The following CLSTN2 variants were observed in gnomAD, a reference collection of about 807,000 sequenced individuals.
CLSTN2 encodes the protein calsyntenin 2.
A neutral mutation model predicts 101.2 loss-of-function variants in CLSTN2; 48 were observed. That is an observed-to-expected ratio of 0.47 (90% CI 0.38 to 0.60). CLSTN2 has a LOEUF of 0.60. Ranked by LOEUF, CLSTN2 falls within the 20% of genes least tolerant of loss-of-function variation. CLSTN2 has a pLI of 0.00. For missense variants in CLSTN2, 1,160 were observed against 1,238.2 expected, an observed-to-expected ratio of 0.94 and a Z score of 0.95; for synonymous variants, 481 against 463.6, an observed-to-expected ratio of 1.04 and a Z score of -0.48.
In CLSTN2 at chr3:140,558,793, C is replaced by A. The variant is rs773408818; in HGVS notation, c.1977C>A (p.Phe659Leu). 14 of 1,613,926 alleles carry A rather than the reference C, an allele frequency of 8.7e-6. No homozygotes were observed. In the Admixed American group the frequency reaches 2.3e-4, roughly 27 times the overall value. The change falls in exon 12 of 17, where the codon TTC becomes TTA. Residue 659 changes from phenylalanine to leucine, a missense_variant. Physicochemically the swap from Phe to Leu is conservative, Grantham distance 22 (BLOSUM62 0). Transcript: ENST00000458420. ...AAAGTGCCAGGGGAGTGACCCTCTT[C>A]CCTGATATCAAGATTGTGAGCACCT... is the stretch of plus-strand genomic sequence containing the variant. Reference protein sequence around the residue: ...QFESARGVTLFPDIKIVSTFA... With the variant: ...QFESARGVTLLPDIKIVSTFA...
intron 1 of CLSTN2, among the ~76,000 whole-genome samples, chr3:139,954,573 G>A (rs1192250631): frequency 6.6e-6 from 1 of 152,140 alleles, no homozygotes; most frequent in Non-Finnish European, 1.5e-5. Context: ...CTTGAATTAA[G>A]TTGAGTGCCT....
rs375272859 is a variant in CLSTN2 at position 140,459,562 on chromosome 3, G to T, written c.1015G>T (p.Ala339Ser). 2.5e-6 allele frequency: 4 copies of T among 1,614,054 alleles called. No individual in the cohort carries two copies. The Admixed American group carries it at 5.0e-5, about 20-fold the overall frequency. The change falls in exon 7 of 17, where the codon GCT becomes TCT. Residue 339 changes from alanine to serine, a missense_variant. Physicochemically the swap from Ala to Ser is moderately conservative, Grantham distance 99. Coordinates refer to ENST00000458420, the MANE Select transcript of CLSTN2 (RefSeq NM_022131.3). ...GIIDLLPSPS[A>S]ATNWTAGLLV... is the part of the protein sequence containing the mutation. ...CATTGACCTCTTGCCATCCCCTAGC[G>T]CTGCCACCAACTGGACTGCAGGACT...
At chr3:139,952,980 C>G (rs1224666609) in intron 1 of CLSTN2, among the ~76,000 whole-genome samples, 2 of 152,098 alleles carry the variant, frequency 1.3e-5, no homozygotes, top group African/African-American at 4.8e-5. Flanking sequence ...CCATAGCCAG[C>G]TCAGAATGGG....
At chr3:140,166,794 G>T (rs1325130334) in intron 1 of CLSTN2, among the ~76,000 whole-genome samples, 5 of 152,110 alleles carry the variant, frequency 3.3e-5, no homozygotes, top group Non-Finnish European at 7.4e-5. Flanking sequence ...GAAACATCAT[G>T]GAAAAGAGAT....
At chr3:140,260,380 A>G (rs1229810717) in intron 2 of CLSTN2, among the ~76,000 whole-genome samples, 3 of 151,778 alleles carry the variant, frequency 2.0e-5, no homozygotes, top group Non-Finnish European at 4.4e-5. Context: ...GAGGTTGAGG[A>G]ATCTTTTTTC....
intron 5 of CLSTN2, among the ~76,000 whole-genome samples, chr3:140,446,933 G>T (rs1363255127): frequency 3.3e-5 from 5 of 152,092 alleles, no homozygotes; most frequent in African/African-American, 1.2e-4. Flanking sequence ...GTTCACTGCT[G>T]TACCCTTTGT....
chr3:140,248,493 T>G (rs2086535203), intron 2 of CLSTN2, among the ~76,000 whole-genome samples: 1 of 152,180 alleles, frequency 6.6e-6, no homozygotes, highest in African/African-American at 2.4e-5. Context: ...CCAGAATGCA[T>G]TCAATGGACT....
At chr3:140,099,290 C>T (rs777144906) in intron 1 of CLSTN2, among the ~76,000 whole-genome samples, 7 of 152,018 alleles carry the variant, frequency 4.6e-5, no homozygotes, top group African/African-American at 9.7e-5. Context: ...ACTGGGTCCC[C>T]GGAAGGCTCT....
At chr3:139,940,806 C>T (rs1047113059) in intron 1 of CLSTN2, among the ~76,000 whole-genome samples, 18 of 152,100 alleles carry the variant, frequency 1.2e-4, no homozygotes. Flanking sequence ...CTCAAAGGCC[C>T]TGGCACTTAG....
intron 2 of CLSTN2, among the ~76,000 whole-genome samples, chr3:140,194,679 A>G (rs1018937703): frequency 6.6e-6 from 1 of 152,302 alleles, no homozygotes. Context: ...CAATGGGGGC[A>G]TCACCTCCTT....
chr3:140,352,262 A>G (rs1458257028), intron 2 of CLSTN2, among the ~76,000 whole-genome samples: 1 of 152,260 alleles, frequency 6.6e-6, no homozygotes, highest in East Asian at 1.9e-4. Flanking sequence ...TCCTAGGGCT[A>G]CAGACGAATC....
chr3:140,324,151 C>A (rs2087310602), intron 2 of CLSTN2, among the ~76,000 whole-genome samples: 2 of 152,220 alleles, frequency 1.3e-5, no homozygotes, highest in African/African-American at 4.8e-5. Flanking sequence ...CACCTTAAAC[C>A]TTCACTGAAG....
chr3:140,259,170 G>GA (rs5852973), intron 2 of CLSTN2, among the ~76,000 whole-genome samples: 146,678 of 147,648 alleles, frequency 0.99, 72,863 homozygotes, highest in Middle Eastern at 1. Flanking sequence ...ATAATTGATT[G>GA]AAAAAAAAAA....
At chr3:140,374,925 G>A (rs2107960226) in intron 2 of CLSTN2, among the ~76,000 whole-genome samples, 1 of 152,316 alleles carries the variant, frequency 6.6e-6, no homozygotes, top group South Asian at 2.1e-4. Context: ...TATTCCCTCT[G>A]ACTACACCAG....
intron 7 of CLSTN2, among the ~76,000 whole-genome samples, chr3:140,461,686 C>A (rs142042698): frequency 6.6e-6 from 1 of 152,074 alleles, no homozygotes; most frequent in Non-Finnish European, 1.5e-5. Flanking sequence ...TGCTAGAGCC[C>A]CACCCAGCTC....
intron 2 of CLSTN2, among the ~76,000 whole-genome samples, chr3:140,287,068 T>C (rs899691093): frequency 1.3e-5 from 2 of 152,100 alleles, no homozygotes; most frequent in African/African-American, 4.8e-5. Flanking sequence ...AATATAATAG[T>C]GGCAAAGGTT....
chr3:140,254,360 G>C (rs550426638), intron 2 of CLSTN2, among the ~76,000 whole-genome samples: 1 of 151,926 alleles, frequency 6.6e-6, no homozygotes, highest in African/African-American at 2.4e-5. Context: ...GTGACTTCAG[G>C]GTTCTATGAA....
At chr3:140,341,594 C>T (rs1486517575) in intron 2 of CLSTN2, among the ~76,000 whole-genome samples, 1 of 152,192 alleles carries the variant, frequency 6.6e-6, no homozygotes, top group Non-Finnish European at 1.5e-5. Context: ...GCAAACACCC[C>T]AGCAGTTTGG....
At chr3:140,429,306 T>C (rs2088603992) in intron 5 of CLSTN2, among the ~76,000 whole-genome samples, 2 of 152,008 alleles carry the variant, frequency 1.3e-5, no homozygotes, top group Admixed American at 6.6e-5. Flanking sequence ...AAGGAGATGA[T>C]AGAAATGCTG....
Sources: allele counts gnomAD v4.1 joint callset (sites outside exome capture counted in the v4.1 genomes callset), GRCh38; gene constraint gnomAD v4.1.1; transcripts MANE v1.5; gene names NCBI Gene and HGNC (gene_info 2026-07-23, HGNC 2026-07-21).